ADAMTS19: variants seen among roughly 807,000 people sequenced by gnomAD.
The protein encoded by ADAMTS19 is ADAM metallopeptidase with thrombospondin type 1 motif 19, also known as A disintegrin and metalloproteinase with thrombospondin motifs 19.
Under a neutral mutation model 153.3 loss-of-function variants are expected in ADAMTS19, and 93 were observed. That is an observed-to-expected ratio of 0.61 (90% confidence interval 0.51 to 0.72). The LOEUF (loss-of-function observed/expected upper bound fraction) is 0.72. Among genes scored for constraint, ADAMTS19 ranks in the 30% least tolerant of loss-of-function variants. The probability of loss-of-function intolerance (pLI) is 0.00; values close to 1 mark genes in which losing one functional copy is unlikely to be tolerated. For synonymous variants in ADAMTS19, 600 were observed against 556.6 expected (o/e 1.08, Z -1.10); for missense variants, 1,482 against 1,552.1 (o/e 0.95, Z 0.76).
chr5:129,463,279 A>G (rs1465740873), intron 2 of ADAMTS19, among the ~76,000 whole-genome samples: 1 of 152,194 alleles, frequency 6.6e-6, no homozygotes, highest in African/African-American at 2.4e-5. Context: ...AGATTTTCCA[A>G]ATGACCTATT....
chr5:129,614,331 T>C (rs1178762945), intron 8 of ADAMTS19, among the ~76,000 whole-genome samples: 3 of 152,120 alleles, frequency 2.0e-5, no homozygotes, highest in Non-Finnish European at 2.9e-5. Context: ...AAAAAGCTTA[T>C]CCACCATGAT....
intron 7 of ADAMTS19, among the ~76,000 whole-genome samples, chr5:129,552,912 C>T (rs1034633113): frequency 6.6e-6 from 1 of 151,916 alleles, no homozygotes; most frequent in Non-Finnish European, 1.5e-5. Flanking sequence ...ATGATGGAAT[C>T]AAGGGAATAT....
At chr5:129,632,730 C>T (rs1752356924) in intron 10 of ADAMTS19, among the ~76,000 whole-genome samples, 1 of 151,900 alleles carries the variant, frequency 6.6e-6, no homozygotes, top group Admixed American at 6.6e-5. Context: ...CTTCTCTTCT[C>T]CATAGTTTAA....
rs527812128 is a variant in ADAMTS19 at position 129,701,376 on chromosome 5, C to T, written c.2955-12C>T. 147 of 1,614,044 alleles carry T rather than the reference C, an allele frequency of 9.1e-5. No homozygotes were observed. In the South Asian group the frequency reaches 1.5e-3, roughly 16 times the overall value. ...TTTAACTTGTTTCCAGTGACTCTTG[C>T]TTTACTTTCAGGTGGATGATGACAG... On this transcript the variant is annotated splice_polypyrimidine_tract_variant and intron_variant, in intron 19 of 22. Transcript: ENST00000274487.
intron 10 of ADAMTS19, among the ~76,000 whole-genome samples, chr5:129,628,338 A>G (rs2126994496): frequency 6.6e-6 from 1 of 152,030 alleles, no homozygotes; most frequent in South Asian, 2.1e-4. Context: ...GATCAGAAAA[A>G]AATAACTATT....
chr5:129,546,321 G>A (rs1752857322), intron 6 of ADAMTS19, among the ~76,000 whole-genome samples: 1 of 150,296 alleles, frequency 6.7e-6, no homozygotes. Context: ...CACCAGCATG[G>A]CACATGTATA....
chr5:129,527,969 G>A, intron 5 of ADAMTS19, 138 bp downstream of exon 5: 2 of 500,796 alleles, frequency 4.0e-6, no homozygotes, highest in East Asian at 3.2e-5. Flanking sequence ...ACATAAAACT[G>A]GCCTTTAGTT....
chr5:129,727,927 T>C (rs1472122214), intron 21 of ADAMTS19, among the ~76,000 whole-genome samples: 2 of 152,066 alleles, frequency 1.3e-5, no homozygotes, highest in African/African-American at 4.8e-5. Flanking sequence ...CCCAGGAGGT[T>C]AAGGCATTAT....
rs59614056 is a variant in ADAMTS19 at position 129,702,941 on chromosome 5, A to AATATATATATATAT, written c.3160-1280_3160-1267dup. Among the ~76,000 whole-genome samples the AATATATATATATAT allele has an allele frequency of 2.0e-3, 59 of 29,234 alleles. 1 individual carries two copies. Among genetic ancestry groups the AATATATATATATAT allele is most frequent in the African/African-American group, 4.5e-3 (52 of 11,682 alleles). 19.2% of individuals were successfully genotyped at this position (29,234 alleles called of 152,430 possible). On this transcript the variant is annotated intron_variant, in intron 20 of 22. Coordinates refer to ENST00000274487, the MANE Select transcript of ADAMTS19 (RefSeq NM_133638.6). ...TAGTTTGACTTGCCAAAAAAAAAAA[A>AATATATATATATAT]ATATATATATATATATATATATATA...
At chr5:129,537,030 G>C (rs1561557982) in intron 6 of ADAMTS19, among the ~76,000 whole-genome samples, 1 of 151,424 alleles carries the variant, frequency 6.6e-6, no homozygotes, top group Non-Finnish European at 1.5e-5. Context: ...TGCACATTGT[G>C]CACATGTACC....
chr5:129,697,458 T>C (rs1367007916), intron 19 of ADAMTS19, among the ~76,000 whole-genome samples: 1 of 152,204 alleles, frequency 6.6e-6, no homozygotes, highest in Admixed American at 6.5e-5. Context: ...CAGGCAAATA[T>C]ATGCTTTTAA....
At chr5:129,670,365 A>G (rs1465778794) in intron 16 of ADAMTS19, among the ~76,000 whole-genome samples, 1 of 152,198 alleles carries the variant, frequency 6.6e-6, no homozygotes, top group African/African-American at 2.4e-5. Flanking sequence ...AAGATGTTTC[A>G]CACTTGGTTA....
intron 18 of ADAMTS19, among the ~76,000 whole-genome samples, chr5:129,685,977 C>T (rs981795093): frequency 6.6e-6 from 1 of 152,142 alleles, no homozygotes; most frequent in African/African-American, 2.4e-5. Flanking sequence ...TAAAGGCTAT[C>T]TGGCTGAGAG....
chr5:129,471,073 C>A (rs894206012), intron 2 of ADAMTS19, among the ~76,000 whole-genome samples: 2 of 3,696 alleles, frequency 5.4e-4, no homozygotes, highest in Non-Finnish European at 9.0e-4. Context: ...CAAAATCAGG[C>A]GGTGGGATGT....
intron 3 of ADAMTS19, among the ~76,000 whole-genome samples, chr5:129,515,266 G>A (rs537670722): frequency 2.7e-5 from 4 of 150,836 alleles, no homozygotes; most frequent in South Asian, 4.2e-4. Context: ...AGCTTTGTCT[G>A]TTTGGGGTCT....
chr5:129,544,012 A>G (rs1001767574), intron 6 of ADAMTS19, among the ~76,000 whole-genome samples: 3 of 152,102 alleles, frequency 2.0e-5, no homozygotes, highest in Non-Finnish European at 2.9e-5. Flanking sequence ...TTTTAGCTCT[A>G]CCTTTTCCAC....
At chr5:129,523,895 A>C (rs1223659263) in intron 3 of ADAMTS19, among the ~76,000 whole-genome samples, 1 of 152,220 alleles carries the variant, frequency 6.6e-6, no homozygotes, top group Non-Finnish European at 1.5e-5. Context: ...TGCCCAAAGT[A>C]ATTTATAGAT....
intron 10 of ADAMTS19, among the ~76,000 whole-genome samples, chr5:129,631,771 A>G (rs1336648450): frequency 6.6e-6 from 1 of 151,964 alleles, no homozygotes; most frequent in Non-Finnish European, 1.5e-5. Context: ...ATAAGCATGT[A>G]GTTGTCTTGA....
At chr5:129,634,957 T>C (rs1752469814) in intron 10 of ADAMTS19, among the ~76,000 whole-genome samples, 1 of 151,874 alleles carries the variant, frequency 6.6e-6, no homozygotes, top group Non-Finnish European at 1.5e-5. Context: ...CAAAATAAAC[T>C]ATCAAGTTTC....
Sources: allele counts gnomAD v4.1 joint callset (sites outside exome capture counted in the v4.1 genomes callset), GRCh38; gene constraint gnomAD v4.1.1; transcripts MANE v1.5; gene names NCBI Gene and HGNC (gene_info 2026-07-23, HGNC 2026-07-21).